UGGT1: variants seen among roughly 807,000 people sequenced by gnomAD.
The protein encoded by UGGT1 is UDP-glucose glycoprotein glucosyltransferase 1.
UGGT1 carries 107 observed loss-of-function variants against 203.9 expected under a neutral mutation model. The ratio of observed to expected loss-of-function variants is 0.52; its 90% CI spans 0.45 to 0.62. UGGT1 has a LOEUF of 0.62. Ranked by LOEUF, UGGT1 falls within the 20% of genes least tolerant of loss-of-function variation. The pLI is 0.00. For missense variants in UGGT1, 1,673 were observed against 1,867.2 expected, an observed-to-expected ratio of 0.90 and a Z score of 1.92; for synonymous variants, 628 against 653.5, an observed-to-expected ratio of 0.96 and a Z score of 0.59.
intron 20 of UGGT1, 128 bp downstream of exon 20, chr2:128,155,715 G>A: frequency 1.6e-6 from 1 of 644,300 alleles, no homozygotes; most frequent in Non-Finnish European, 2.6e-6. Flanking sequence ...TTCTTATAAA[G>A]CTTTGAGTCT....
At position 128,194,389 on chromosome 2, in the gene UGGT1, C is replaced by T. The variant is rs1692419781; in HGVS notation, c.*4647C>T. On this transcript the variant is annotated 3_prime_UTR_variant, in exon 41 of 41. Coordinates refer to ENST00000259253, the MANE Select transcript of UGGT1 (RefSeq NM_020120.4). ...TCAAGAGATTCTCCTGACTCAACCTCCTGAGTAGCTGGGATTACAGGTGCC... is the reference window on the plus strand; with the variant it reads ...TCAAGAGATTCTCCTGACTCAACCTTCTGAGTAGCTGGGATTACAGGTGCC... 2 of 152,178 alleles carry T rather than the reference C, an allele frequency of 1.3e-5. No homozygotes were observed. The highest frequency in any genetic ancestry group is 2.4e-5 in the African/African-American group (1 of 41,362). The allele number at this position is 152,178 out of a possible 1,614,324, so 9.4% of individuals were successfully genotyped here. A position where few individuals can be genotyped will look rare whatever the true frequency, so the allele number is the denominator to read the frequency against.
chr2:128,105,837 G>A (rs1687582620), intron 3 of UGGT1, among the ~76,000 whole-genome samples: 1 of 151,608 alleles, frequency 6.6e-6, no homozygotes, highest in African/African-American at 2.4e-5. Context: ...TAGAAACAGA[G>A]TCTGGCTCTG....
chr2:128,121,545 A>G (rs944536434), intron 10 of UGGT1, among the ~76,000 whole-genome samples: 1 of 151,756 alleles, frequency 6.6e-6, no homozygotes, highest in African/African-American at 2.4e-5. Flanking sequence ...AGCTGGTACT[A>G]CAGACGTGCG....
intron 19 of UGGT1, among the ~76,000 whole-genome samples, chr2:128,153,822 G>A (rs148014658): frequency 2.0e-5 from 3 of 152,176 alleles, no homozygotes; most frequent in African/African-American, 7.2e-5. Flanking sequence ...TGCCTTCCTC[G>A]AGATTCTGAG....
intron 21 of UGGT1, among the ~76,000 whole-genome samples, 173 bp downstream of exon 21, chr2:128,156,588 C>T (rs1311152628): frequency 7.1e-5 from 10 of 141,474 alleles, no homozygotes; most frequent in African/African-American, 2.7e-4. Context: ...GACAGAGTCT[C>T]ATTCTGTCAC....
chr2:128,174,916 C>G (rs1691298053), intron 31 of UGGT1, 58 bp downstream of exon 31: 8 of 1,442,072 alleles, frequency 5.5e-6, no homozygotes, highest in African/African-American at 2.8e-5. Flanking sequence ...AGCATTAGCT[C>G]TAATTGAATA....
intron 31 of UGGT1, among the ~76,000 whole-genome samples, chr2:128,176,407 C>CAAA (rs757833629): frequency 1.4e-3 from 96 of 69,736 alleles, no homozygotes; most frequent in African/African-American, 1.9e-3. Context: ...AACTCTGTCT[C>CAAA]AAAAAAAAAA....
intron 32 of UGGT1, 145 bp from the exon 33 acceptor site, chr2:128,177,687 A>T: frequency 1.7e-6 from 1 of 592,984 alleles, no homozygotes; most frequent in South Asian, 2.7e-5. Context: ...GAATCCTTCT[A>T]GACTCTGGGT....
chr2:128,153,480 C>T (rs1690079258), intron 19 of UGGT1, among the ~76,000 whole-genome samples: 1 of 152,098 alleles, frequency 6.6e-6, no homozygotes. Context: ...CCCAAAAATT[C>T]CCCAGAATTC....
At chr2:128,107,857 C>G in intron 3 of UGGT1, 81 bp from the exon 4 acceptor site, 1 of 1,577,974 alleles carries the variant, frequency 6.3e-7, no homozygotes, top group Admixed American at 1.7e-5. Flanking sequence ...TTTGTAAACA[C>G]AGCTTTGTGC....
chr2:128,093,366 T>G (rs749584819), intron 1 of UGGT1, among the ~76,000 whole-genome samples: 2 of 151,168 alleles, frequency 1.3e-5, no homozygotes, highest in Admixed American at 6.6e-5. Flanking sequence ...GAGGCCTGTG[T>G]TTATTTCATT....
intron 7 of UGGT1, 112 bp from the exon 8 acceptor site, chr2:128,116,153 G>T: frequency 1.6e-6 from 1 of 637,348 alleles, no homozygotes; most frequent in South Asian, 2.2e-5. Flanking sequence ...TAATTTCAGG[G>T]GTTTCTGATT....
At chr2:128,142,049 C>T (rs755184703) in intron 16 of UGGT1, among the ~76,000 whole-genome samples, 7 of 151,712 alleles carry the variant, frequency 4.6e-5, no homozygotes, top group Non-Finnish European at 7.4e-5. Flanking sequence ...TTAAGGGATT[C>T]GCCTGCTGCA....
chr2:128,189,630 G>A, intron 40 of UGGT1, 87 bp from the exon 41 acceptor site: 1 of 1,350,270 alleles, frequency 7.4e-7, no homozygotes, highest in Non-Finnish European at 1.0e-6. Flanking sequence ...ACAAAGAATA[G>A]GTTCCAGTGA....
intron 2 of UGGT1, among the ~76,000 whole-genome samples, chr2:128,099,990 G>T: frequency 6.9e-6 from 1 of 145,700 alleles, no homozygotes; most frequent in East Asian, 2.1e-4. Context: ...TGATTTGTTT[G>T]GTATAAAATC....
Position 128,123,264 on chromosome 2 carries a change from A to G in UGGT1, c.1134+18A>G. ...ATCAGAAGGTATTCACCGATAGAAA[A>G]TACTGACCTGTTTTGTATTCTATCT... On this transcript the variant is annotated intron_variant, in intron 11 of 40. Transcript: ENST00000259253. 2 of 1,607,810 alleles carry G rather than the reference A, an allele frequency of 1.2e-6. No individual in the cohort carries two copies. Among genetic ancestry groups the G allele is most frequent in the Non-Finnish European group, 1.7e-6 (2 of 1,175,744 alleles).
At chr2:128,094,602 A>T (rs1042103652) in intron 1 of UGGT1, among the ~76,000 whole-genome samples, 1 of 152,144 alleles carries the variant, frequency 6.6e-6, no homozygotes, top group Non-Finnish European at 1.5e-5. Context: ...TCAGGAATTG[A>T]TCACAGCTGC....
chr2:128,113,190 T>A lies in UGGT1; in HGVS notation c.628T>A (p.Phe210Ile). Residue 210 changes from phenylalanine (F) to isoleucine (I), a missense_variant, in exon 6 of 41, where the codon TTT (phenylalanine) becomes ATT (isoleucine). By Grantham distance (21) the Phe-to-Ile change is conservative. Around this residue, in one of 4 missense-constraint regions of UGGT1, gnomAD observed 1,073 missense variants for 1,078.7 expected, o/e 0.99. Coordinates refer to ENST00000259253, the MANE Select transcript of UGGT1 (RefSeq NM_020120.4). ...SEIGSEEFSN[F>I]HRQLISKSNA... ...GATTGGCTCTGAGGAATTTTCCAAT[T>A]TTCACCGCCAGCTTATATCAAAAAG... 6.2e-7 allele frequency: 1 copy of A among 1,613,442 alleles called. No homozygotes were observed. Among genetic ancestry groups the A allele is most frequent in the Non-Finnish European group, 8.5e-7 (1 of 1,179,658 alleles).
chr2:128,192,340 T>C lies in UGGT1; in HGVS notation c.*2598T>C, dbSNP rs1183411442. The C allele has an allele frequency of 1.3e-5, 2 of 152,114 alleles. No homozygotes were observed. Among genetic ancestry groups the C allele is most frequent in the South Asian group, 4.2e-4 (2 of 4,818 alleles). 9.4% of individuals were successfully genotyped at this position (152,114 alleles called of 1,614,324 possible). On this transcript the variant is annotated 3_prime_UTR_variant, in exon 41 of 41. Coordinates refer to ENST00000259253, the MANE Select transcript of UGGT1 (RefSeq NM_020120.4). ...AACCAAATGCCCCAGAAAATGATGT[T>C]ACCACTAAAATATTTTCTCCAAGAA...
Sources: allele counts gnomAD v4.1 joint callset (sites outside exome capture counted in the v4.1 genomes callset), GRCh38; gene constraint gnomAD v4.1.1; regional missense constraint gnomAD v4.1.1; transcripts MANE v1.5; gene names NCBI Gene and HGNC (gene_info 2026-07-23, HGNC 2026-07-21).